The following SEM1 variants were observed in gnomAD, a reference collection of about 807,000 sequenced individuals.
The protein encoded by SEM1 is SEM1 26S proteasome subunit.
A neutral mutation model predicts 12.7 loss-of-function variants in SEM1; 3 were observed. That is an observed-to-expected ratio of 0.24 (90% CI 0.11 to 0.61). The LOEUF is 0.61. Among genes scored for constraint, SEM1 ranks in the 20% least tolerant of loss-of-function variants. SEM1 has a pLI of 0.88. For synonymous variants in SEM1, 30 were observed against 27.8 expected, an observed-to-expected ratio of 1.08 and a Z score of -0.25; for missense variants, 59 against 81.3, an observed-to-expected ratio of 0.73 and a Z score of 1.06.
intron 2 of SEM1, among the ~76,000 whole-genome samples, chr7:96,525,233 A>G (rs963458899): frequency 7.4e-5 from 11 of 148,958 alleles, no homozygotes; most frequent in Admixed American, 2.0e-4. Flanking sequence ...TCTTATTCTC[A>G]TCATTGATCT....
At chr7:96,698,738 G>A (rs1279331693) in intron 1 of SEM1, among the ~76,000 whole-genome samples, 2 of 152,102 alleles carry the variant, frequency 1.3e-5, no homozygotes, top group African/African-American at 2.4e-5. Flanking sequence ...ATGTGCATGC[G>A]TCTTTATAGT....
chr7:96,623,855 C>T (rs1410575306), intron 2 of SEM1, among the ~76,000 whole-genome samples: 1 of 152,056 alleles, frequency 6.6e-6, no homozygotes, highest in Non-Finnish European at 1.5e-5. Flanking sequence ...CCTCTGATGG[C>T]TCTAGGGGAG....
At chr7:96,667,783 A>G (rs1469884184) in intron 2 of SEM1, among the ~76,000 whole-genome samples, 1 of 152,204 alleles carries the variant, frequency 6.6e-6, no homozygotes, top group African/African-American at 2.4e-5. Flanking sequence ...CTTCCCCACA[A>G]TATACACACC....
At chr7:96,653,830 C>G (rs1554430032) in intron 2 of SEM1, 1 of 152,186 alleles carries the variant, frequency 6.6e-6, no homozygotes, top group Non-Finnish European at 1.5e-5. Context: ...ACAGTCCTCT[C>G]TTTTTCTTCT....
chr7:96,511,575 C>G (rs2117300233), intron 2 of SEM1, among the ~76,000 whole-genome samples: 1 of 151,896 alleles, frequency 6.6e-6, no homozygotes, highest in South Asian at 2.1e-4. Context: ...GGAAATATGG[C>G]TAGAAATTTA....
intron 2 of SEM1, among the ~76,000 whole-genome samples, chr7:96,583,355 G>T (rs1022951698): frequency 2.1e-5 from 3 of 143,046 alleles, no homozygotes; most frequent in African/African-American, 7.8e-5. Flanking sequence ...TATAATTTCT[G>T]TTCTTTTACA....
chr7:96,570,660 A>G (rs903103364), intron 2 of SEM1, among the ~76,000 whole-genome samples: 3 of 152,212 alleles, frequency 2.0e-5, no homozygotes, highest in East Asian at 1.9e-4. Flanking sequence ...AACGATAAAC[A>G]TATGTGTGCA....
intron 2 of SEM1, among the ~76,000 whole-genome samples, chr7:96,537,580 T>C (rs1291486089): frequency 6.6e-6 from 1 of 151,772 alleles, no homozygotes; most frequent in Non-Finnish European, 1.5e-5. Flanking sequence ...CACTCTGTTT[T>C]TACTTGCATG....
intron 2 of SEM1, among the ~76,000 whole-genome samples, chr7:96,693,106 T>C (rs145728550): frequency 9.9e-5 from 15 of 152,160 alleles, no homozygotes; most frequent in Admixed American, 9.8e-4. Context: ...TAAAAAAAAA[T>C]GCAGTGTAGG....
At chr7:96,706,714 C>T (rs774786718) in intron 1 of SEM1, among the ~76,000 whole-genome samples, 34 of 152,072 alleles carry the variant, frequency 2.2e-4, no homozygotes, top group Non-Finnish European at 4.3e-4. Flanking sequence ...GAAAGACCCA[C>T]TCCCAAAAGA....
chr7:96,553,651 T>C (rs1318819340), intron 2 of SEM1, among the ~76,000 whole-genome samples: 1 of 152,220 alleles, frequency 6.6e-6, no homozygotes, highest in South Asian at 2.1e-4. Flanking sequence ...TTTGTTCTTT[T>C]GGCTTAGGAT....
intron 2 of SEM1, among the ~76,000 whole-genome samples, chr7:96,604,746 C>T (rs1057509102): frequency 6.6e-6 from 1 of 151,934 alleles, no homozygotes; most frequent in Non-Finnish European, 1.5e-5. Context: ...TGGTGAAACC[C>T]CGTCTGCACT....
chr7:96,574,127 T>A (rs961573193), intron 2 of SEM1, among the ~76,000 whole-genome samples: 2 of 152,016 alleles, frequency 1.3e-5, no homozygotes, highest in Admixed American at 1.3e-4. Context: ...GATGTTCCCC[T>A]TCCTGTGTCC....
At position 96,567,295 on chromosome 7, in the gene SEM1, G is replaced by A. The variant is rs557971745; in HGVS notation, c.171-60597C>T. ...TCTTGAACATTTCTTAAATTTACTC[G>A]TATTACATTTTATCATTTTGTTCCT... On this transcript the variant is annotated intron_variant and NMD_transcript_variant, in intron 2 of 3. Transcript: ENST00000466986. 5.3e-5 allele frequency among the ~76,000 whole-genome samples: 8 copies of A among 150,988 alleles called. No homozygotes were observed. The South Asian group carries it at 1.5e-3, about 28-fold the overall frequency.
intron 2 of SEM1, among the ~76,000 whole-genome samples, chr7:96,532,406 C>T (rs1165568300): frequency 6.6e-6 from 1 of 152,108 alleles, no homozygotes; most frequent in African/African-American, 2.4e-5. Context: ...CCAGATGACA[C>T]TTGAGGTTGT....
chr7:96,539,800 A>T (rs903326284), intron 2 of SEM1, among the ~76,000 whole-genome samples: 2 of 151,816 alleles, frequency 1.3e-5, no homozygotes. Flanking sequence ...GAATAAATGA[A>T]ATGTTAAGAC....
At chr7:96,635,698 A>C (rs1254437391) in intron 2 of SEM1, among the ~76,000 whole-genome samples, 1 of 152,154 alleles carries the variant, frequency 6.6e-6, no homozygotes, top group Non-Finnish European at 1.5e-5. Flanking sequence ...ATGGGTATGC[A>C]ATACCTTTTA....
At chr7:96,609,959 G>A (rs1407774171) in intron 2 of SEM1, among the ~76,000 whole-genome samples, 72 of 152,170 alleles carry the variant, frequency 4.7e-4, no homozygotes, top group Admixed American at 4.7e-3. Flanking sequence ...CTTCATTCCT[G>A]ACTAAAGATG....
intron 2 of SEM1, among the ~76,000 whole-genome samples, chr7:96,564,187 G>A (rs137983989): frequency 1.6e-4 from 24 of 151,926 alleles, no homozygotes; most frequent in South Asian, 8.3e-4. Flanking sequence ...ATTTTGAGTC[G>A]ATTTTGATGA....
Sources: allele counts gnomAD v4.1 joint callset (sites outside exome capture counted in the v4.1 genomes callset), GRCh38; gene constraint gnomAD v4.1.1; transcripts MANE v1.5; gene names NCBI Gene and HGNC (gene_info 2026-07-23, HGNC 2026-07-21).